CCDC15: variants seen among roughly 807,000 people sequenced by gnomAD.
CCDC15 encodes the protein coiled-coil domain containing 15.
CCDC15 carries 105 observed loss-of-function variants against 114.5 expected under a neutral mutation model. The observed-to-expected ratio is 0.92, with a 90% CI of 0.78 to 1.08. The LOEUF is 1.08. Ranked by LOEUF, CCDC15 falls within the 50% of genes least tolerant of loss-of-function variation. The pLI is 0.00. For synonymous variants in CCDC15, 334 were observed against 377.8 expected (o/e 0.88, Z 1.34); for missense variants, 1,105 against 1,093.6 (o/e 1.01, Z -0.15).
rs960722228 is a variant in CCDC15 at position 124,991,501 on chromosome 11, A to G, written c.1949A>G (p.Glu650Gly). Residue 650 changes from glutamate (E) to glycine (G), a missense_variant, in exon 9 of 16, where the codon GAG becomes GGG. Coordinates refer to ENST00000344762, the MANE Select transcript of CCDC15 (RefSeq NM_025004.3). ...FKEPYSDMTD[E>G]KGREDFSLAD... is the part of the protein sequence containing the mutation. ...GAGCCATACTCTGATATGACAGATG[A>G]GAAAGGGAGAGAAGACTTTTCTCTG... is the stretch of plus-strand genomic sequence containing the variant. 3 of 1,602,912 alleles carry G rather than the reference A, an allele frequency of 1.9e-6. No homozygotes were observed. Among genetic ancestry groups the G allele is most frequent in the East Asian group, 4.5e-5 (2 of 44,808 alleles).
intron 13 of CCDC15, among the ~76,000 whole-genome samples, chr11:125,005,794 A>G (rs1458831415): frequency 6.6e-6 from 1 of 152,114 alleles, no homozygotes; most frequent in African/African-American, 2.4e-5. Context: ...AACGTCATAT[A>G]GTTGGAATCA....
chr11:125,026,796 A>C (rs1024849350), intron 13 of CCDC15, among the ~76,000 whole-genome samples: 1 of 151,958 alleles, frequency 6.6e-6, no homozygotes, highest in African/African-American at 2.4e-5. Context: ...TACATGGATA[A>C]ATTCTTTAGT....
chr11:125,034,407 A>G (rs1948761718), intron 13 of CCDC15, among the ~76,000 whole-genome samples: 1 of 152,146 alleles, frequency 6.6e-6, no homozygotes, highest in African/African-American at 2.4e-5. Flanking sequence ...TCGCGTGATA[A>G]AAGCTTGTGT....
At chr11:124,999,810 TC>T (rs1948442622) in intron 11 of CCDC15, among the ~76,000 whole-genome samples, 1 of 151,484 alleles carries the variant, frequency 6.6e-6, no homozygotes, top group African/African-American at 2.4e-5. Context: ...GGTCACATCT[TC>T]CTGCTTTCTT....
chr11:124,993,379 A>G (rs1297721360), intron 11 of CCDC15, 136 bp downstream of exon 11: 2 of 630,812 alleles, frequency 3.2e-6, no homozygotes, highest in Non-Finnish European at 5.7e-6. Flanking sequence ...TCAGGAATTT[A>G]GTGTTAAGGT....
At chr11:125,038,264 GAGGAGATAAAGC>G in intron 13 of CCDC15, 155 bp from the exon 14 acceptor site, 1 of 487,042 alleles carries the variant, frequency 2.1e-6, no homozygotes. Context: ...TTCTCTTTGG[GAGGAGATAAAGC>G]AGCCAGCAGA....
chr11:125,032,590 A>G (rs189469616), intron 13 of CCDC15, among the ~76,000 whole-genome samples: 70 of 152,334 alleles, frequency 4.6e-4, no homozygotes, highest in East Asian at 3.3e-3. Flanking sequence ...AATTGCCGCA[A>G]TTCCTCCAGG....
chr11:125,009,670 G>T (rs1245690410), intron 13 of CCDC15, among the ~76,000 whole-genome samples: 1 of 152,044 alleles, frequency 6.6e-6, no homozygotes, highest in Non-Finnish European at 1.5e-5. Flanking sequence ...CCTCCCTCTA[G>T]TAGTCTTCAG....
chr11:125,031,892 G>T (rs1418429415), intron 13 of CCDC15, among the ~76,000 whole-genome samples: 1 of 152,160 alleles, frequency 6.6e-6, no homozygotes, highest in Admixed American at 6.5e-5. Context: ...CCTAAATGAG[G>T]AATGTGTCGA....
At chr11:124,959,736 C>T (rs1947623939) in intron 3 of CCDC15, 79 bp from the exon 4 acceptor site, 7 of 465,104 alleles carry the variant, frequency 1.5e-5, no homozygotes, top group East Asian at 5.8e-5. Context: ...TTAAAATCTT[C>T]TGAACTGCTT....
intron 1 of CCDC15, 24 bp from the exon 2 acceptor site, chr11:124,954,700 A>G (rs374607646): frequency 1.2e-6 from 2 of 1,607,470 alleles, no homozygotes. Flanking sequence ...TGAAGATTTT[A>G]AGCTTTTTCT....
chr11:125,017,536 A>G (rs1276730654), intron 13 of CCDC15, among the ~76,000 whole-genome samples: 1 of 152,174 alleles, frequency 6.6e-6, no homozygotes, highest in African/African-American at 2.4e-5. Context: ...AAAGTATAGC[A>G]CATACAGTTA....
At chr11:125,010,065 G>A (rs1391317104) in intron 13 of CCDC15, among the ~76,000 whole-genome samples, 2 of 152,070 alleles carry the variant, frequency 1.3e-5, no homozygotes, top group African/African-American at 2.4e-5. Flanking sequence ...TCTCCAAACC[G>A]CTTTCCACAG....
intron 4 of CCDC15, among the ~76,000 whole-genome samples, chr11:124,969,496 TTCAGTTTGCTAC>T (rs1947843946): frequency 2.0e-5 from 3 of 152,342 alleles, no homozygotes; most frequent in African/African-American, 7.2e-5. Flanking sequence ...TCTGTCCCTA[TTCAGTTTGCTAC>T]TGTTTTCTAG....
intron 13 of CCDC15, among the ~76,000 whole-genome samples, chr11:125,022,385 C>T (rs957710003): frequency 5.9e-5 from 9 of 151,974 alleles, no homozygotes; most frequent in East Asian, 1.9e-4. Context: ...ACCATAAAAA[C>T]GATGTTTATG....
intron 11 of CCDC15, among the ~76,000 whole-genome samples, 152 bp downstream of exon 11, chr11:124,993,395 A>G (rs1292710286): frequency 1.3e-5 from 2 of 152,220 alleles, no homozygotes; most frequent in Non-Finnish European, 2.9e-5. Context: ...AAGGTTAGTA[A>G]TAACGGGCAA....
chr11:124,980,716 C>G (rs187188763), intron 6 of CCDC15, among the ~76,000 whole-genome samples: 1 of 152,110 alleles, frequency 6.6e-6, no homozygotes, highest in African/African-American at 2.4e-5. Flanking sequence ...AAGACCAGTT[C>G]CTGGATTAAT....
intron 4 of CCDC15, among the ~76,000 whole-genome samples, chr11:124,966,273 T>C (rs985855842): frequency 2.0e-5 from 3 of 152,148 alleles, no homozygotes; most frequent in Non-Finnish European, 4.4e-5. Context: ...TGTGTGGGAG[T>C]CTAAGTCTCT....
rs1200692481 is a variant in CCDC15, at chr11:125,039,092, C to T, written c.2734+23C>T. ...GAGGTAAGTTTCTTGAAGGAATAGT[C>T]AGGGCCTAATGGCAACAAGAAAAAT... On this transcript the variant is annotated intron_variant, in intron 15 of 15. Coordinates refer to ENST00000344762, the MANE Select transcript of CCDC15 (RefSeq NM_025004.3). 5 of 1,563,676 alleles carry T rather than the reference C, an allele frequency of 3.2e-6. No individual in the cohort carries two copies. In the East Asian group the frequency reaches 6.8e-5, roughly 21 times the overall value.
Sources: allele counts gnomAD v4.1 joint callset (sites outside exome capture counted in the v4.1 genomes callset), GRCh38; gene constraint gnomAD v4.1.1; transcripts MANE v1.5; gene names NCBI Gene and HGNC (gene_info 2026-07-23, HGNC 2026-07-21).